The following CORO2B variants were observed in gnomAD, a reference collection of about 807,000 sequenced individuals.
The protein encoded by CORO2B is coronin 2B.
A neutral mutation model predicts 58.8 loss-of-function variants in CORO2B; 26 were observed. That is an observed-to-expected ratio of 0.44 (90% confidence interval 0.32 to 0.61). The LOEUF (loss-of-function observed/expected upper bound fraction) is 0.61, where lower values mean the gene tolerates loss of function less well. Ranked by LOEUF, CORO2B falls within the 20% of genes least tolerant of loss-of-function variation. CORO2B has a pLI of 0.04. For synonymous variants in CORO2B, 242 were observed against 253.8 expected (o/e 0.95, Z 0.44); for missense variants, 460 against 645.1 (o/e 0.71, Z 3.11).
chr15:68,531,895 T>A, the CORO2B span, among the ~76,000 whole-genome samples: 1 of 151,998 alleles, frequency 6.6e-6, no homozygotes, highest in Non-Finnish European at 1.5e-5. Flanking sequence ...AAAAAGTATT[T>A]AGTTTGTCTT....
At chr15:68,578,950 C>A, upstream of CORO2B, 1 of 837,688 alleles carries the variant, frequency 1.2e-6, no homozygotes, top group Non-Finnish European at 1.4e-6. This position sits in a 1 kb window ranked among gnomAD's most constrained non-coding sequence, Gnocchi z 4.2. Context: ...GCCCCTCTTC[C>A]TCCCCCCGCC....
chr15:68,521,402 G>A, the CORO2B span, among the ~76,000 whole-genome samples: 1 of 151,996 alleles, frequency 6.6e-6, no homozygotes, highest in Non-Finnish European at 1.5e-5. Flanking sequence ...CCTACTTTTT[G>A]TGTTATTATT....
the CORO2B span, among the ~76,000 whole-genome samples, chr15:68,539,080 T>C: frequency 2.3e-3 from 352 of 152,368 alleles, 2 homozygotes; most frequent in African/African-American, 8.1e-3. Flanking sequence ...GCCCACAGGC[T>C]TCTAGAGGCA....
intron 8 of CORO2B, among the ~76,000 whole-genome samples, chr15:68,718,474 G>A (rs560043981): frequency 2.0e-5 from 3 of 152,270 alleles, no homozygotes; most frequent in South Asian, 2.1e-4. Flanking sequence ...TCTAAAGCAC[G>A]CACTGTGGTG....
At chr15:68,715,402 C>A in intron 8 of CORO2B, 91 bp downstream of exon 8, 1 of 924,384 alleles carries the variant, frequency 1.1e-6, no homozygotes, top group South Asian at 1.4e-5. Context: ...AGTGGAAAAT[C>A]AGACTCAGAA....
At chr15:68,712,583 T>C (rs1892945428) in intron 5 of CORO2B, among the ~76,000 whole-genome samples, 2 of 152,268 alleles carry the variant, frequency 1.3e-5, no homozygotes, top group Middle Eastern at 3.4e-3. Flanking sequence ...GCCCAAGCAC[T>C]TCAGATAAGG....
rs1270634884 is a variant in CORO2B, at chr15:68,688,565, A to G, written c.217-6575A>G. 2.0e-5 allele frequency among the ~76,000 whole-genome samples: 3 copies of G among 152,228 alleles called. No individual in the cohort carries two copies. In the East Asian group the frequency reaches 5.8e-4, roughly 29 times the overall value. On this transcript the variant is annotated intron_variant, in intron 2 of 11. Transcript: ENST00000261861. The stretch of plus-strand genomic sequence containing the variant: ...ATACTTCTGGTCCCAAGCACTTTGG[A>G]TATGGAATACTCAAACTGTATAGAA...
Position 68,710,814 on chromosome 15 carries a change from G to C in CORO2B, c.416G>C (p.Arg139Pro), listed in dbSNP as rs775165158. 6.2e-7 allele frequency: 1 copy of C among 1,612,022 alleles called. No homozygotes were observed. Among genetic ancestry groups the C allele is most frequent in the Non-Finnish European group, 8.5e-7 (1 of 1,179,310 alleles). Residue 139 changes from arginine to proline, a missense_variant, in exon 4 of 12, where the codon CGT (arginine) becomes CCT (proline). Arg to Pro is a moderately radical substitution (Grantham distance 103). Around this residue, in one of 2 missense-constraint regions of CORO2B, gnomAD observed 352 missense variants for 543.0 expected, o/e 0.65. Transcript: ENST00000261861. This position sits in a 1 kb window ranked among gnomAD's most constrained non-coding sequence, Gnocchi z 4.1. ...CTGGAGCTGCACGGGCACAGCCGGC[G>C]TGTGGGGCTGGTCGAGTGGCACCCC... is the stretch of plus-strand genomic sequence containing the variant. The part of the protein sequence containing the change: ...ALLELHGHSR[R>P]VGLVEWHPTT...
chr15:68,714,427 A>T, intron 6 of CORO2B, 132 bp from the exon 7 acceptor site: 1 of 712,586 alleles, frequency 1.4e-6, no homozygotes, highest in South Asian at 1.7e-5. Context: ...CACCACCCAT[A>T]GGACGGGCTT....
At chr15:68,550,398 C>T in the CORO2B span, among the ~76,000 whole-genome samples, 1 of 152,296 alleles carries the variant, frequency 6.6e-6, no homozygotes, top group African/African-American at 2.4e-5. Context: ...TTAGTGATCT[C>T]TGGAGCTAAG....
At chr15:68,598,688 G>T (rs1335267538) in intron 1 of CORO2B, among the ~76,000 whole-genome samples, 1 of 152,170 alleles carries the variant, frequency 6.6e-6, no homozygotes, top group Non-Finnish European at 1.5e-5. Flanking sequence ...TAATTCTACC[G>T]CAAACCTAGC....
intron 2 of CORO2B, among the ~76,000 whole-genome samples, chr15:68,647,106 A>C (rs1314473521): frequency 1.3e-5 from 2 of 152,230 alleles, no homozygotes; most frequent in African/African-American, 4.8e-5. Flanking sequence ...AGATGCATTA[A>C]AGATCTAAAC....
intron 2 of CORO2B, among the ~76,000 whole-genome samples, chr15:68,666,375 G>A (rs557523897): frequency 6.6e-6 from 1 of 152,292 alleles, no homozygotes; most frequent in African/African-American, 2.4e-5. Flanking sequence ...GACATAAGGT[G>A]GGTAGGGTGA....
intron 3 of CORO2B, among the ~76,000 whole-genome samples, chr15:68,699,201 G>T (rs1892584233): frequency 6.6e-6 from 1 of 152,092 alleles, no homozygotes; most frequent in Admixed American, 6.6e-5. Flanking sequence ...AAGGGCAGCT[G>T]CGAAGGGCAG....
intron 1 of CORO2B, among the ~76,000 whole-genome samples, chr15:68,588,483 C>T (rs1487407693): frequency 1.3e-5 from 2 of 152,156 alleles, no homozygotes; most frequent in African/African-American, 2.4e-5. Flanking sequence ...TGTATTATCC[C>T]GGCTCTCTGT....
Position 68,645,417 on chromosome 15 carries a change from T to C in CORO2B, c.216+57T>C. The C allele has an allele frequency of 6.5e-7, 1 of 1,546,326 alleles. No individual in the cohort carries two copies. Among genetic ancestry groups the C allele is most frequent in the Non-Finnish European group, 8.8e-7 (1 of 1,133,556 alleles). ...GCTCCAGGGCAGAGAGGAGCCCTCC[T>C]TGGTCTCTCTTAGGCCTGTTGACCC... On this transcript the variant is annotated intron_variant, in intron 2 of 11. Coordinates refer to ENST00000261861, the MANE Select transcript of CORO2B (RefSeq NM_006091.5). This position sits in a 1 kb window ranked among gnomAD's most constrained non-coding sequence, Gnocchi z 4.5.
chr15:68,554,033 G>A, the CORO2B span, among the ~76,000 whole-genome samples: 1 of 152,208 alleles, frequency 6.6e-6, no homozygotes, highest in South Asian at 2.1e-4. Flanking sequence ...AGGCTGAGCA[G>A]TAGTCCAGAA....
chr15:68,547,635 C>A, the CORO2B span, among the ~76,000 whole-genome samples: 1 of 152,052 alleles, frequency 6.6e-6, no homozygotes, highest in Non-Finnish European at 1.5e-5. Flanking sequence ...AGCCACCGCA[C>A]CCGGCCTATA....
In CORO2B at chr15:68,718,820, G is replaced by A. The variant is rs376201699; in HGVS notation, c.1080+10G>A. The A allele has an allele frequency of 2.9e-4, 460 of 1,606,154 alleles. 6 individuals carry two copies. The Middle Eastern group carries it at 3.5e-3, about 12-fold the overall frequency. ...GATCGTGCCCCGGAGGGTAAGTGGGGCTGGGCTGGGCTCCAGGAGGGGGGC... is the reference window on the plus strand; with the variant it reads ...GATCGTGCCCCGGAGGGTAAGTGGGACTGGGCTGGGCTCCAGGAGGGGGGC... On this transcript the variant is annotated intron_variant, in intron 9 of 11. Transcript: ENST00000261861.
Sources: allele counts gnomAD v4.1 joint callset (sites outside exome capture counted in the v4.1 genomes callset), GRCh38; gene constraint gnomAD v4.1.1; regional missense constraint gnomAD v4.1.1; non-coding constraint Gnocchi (gnomAD v3.1); transcripts MANE v1.5; gene names NCBI Gene and HGNC (gene_info 2026-07-23, HGNC 2026-07-21).